TPTE: variants seen among roughly 807,000 people sequenced by gnomAD.
The protein encoded by TPTE is transmembrane phosphatase with tensin homology.
In TPTE, 59 loss-of-function variants were observed where a neutral mutation model predicts 84.1. That is an observed-to-expected ratio of 0.70 (90% confidence interval 0.57 to 0.87). The LOEUF (loss-of-function observed/expected upper bound fraction) is 0.87, where lower values mean the gene tolerates loss of function less well. Among genes scored for constraint, TPTE ranks in the 40% least tolerant of loss-of-function variants. The probability of loss-of-function intolerance (pLI) is 0.00; values close to 1 mark genes in which losing one functional copy is unlikely to be tolerated. For synonymous variants in TPTE, 130 were observed against 223.5 expected, an observed-to-expected ratio of 0.58 and a Z score of 3.73; for missense variants, 382 against 659.6, an observed-to-expected ratio of 0.58 and a Z score of 4.61.
chr21:10,536,308 T>C (rs1419396882), intron 3 of TPTE, among the ~76,000 whole-genome samples: 1 of 152,288 alleles, frequency 6.6e-6, no homozygotes, highest in East Asian at 1.9e-4. Flanking sequence ...AAATTAGTGA[T>C]ATACACATGA....
chr21:10,527,565 A>G (rs374661963), intron 3 of TPTE, among the ~76,000 whole-genome samples, 153 bp downstream of exon 3: 934 of 151,992 alleles, frequency 6.1e-3, no homozygotes, highest in African/African-American at 0.022. Context: ...TTGGTACTCA[A>G]AGATTGTTTG....
intron 3 of TPTE, among the ~76,000 whole-genome samples, chr21:10,535,504 T>TC (rs2074251778): frequency 6.6e-6 from 1 of 152,300 alleles, no homozygotes; most frequent in Non-Finnish European, 1.5e-5. Flanking sequence ...ATTTTTTTTT[T>TC]CAGACCAAAT....
intron 17 of TPTE, among the ~76,000 whole-genome samples, chr21:10,582,391 A>ATTATTTATTATT: frequency 6.6e-6 from 1 of 152,310 alleles, no homozygotes; most frequent in African/African-American, 2.4e-5. Flanking sequence ...GTAGCTTTAT[A>ATTATTTATTATT]ATGTGGTTTG....
intron 17 of TPTE, among the ~76,000 whole-genome samples, chr21:10,584,337 C>CTTTTTTTTTTTTTTTTTTTTTTT (rs58211728): frequency 7.0e-6 from 1 of 143,788 alleles, no homozygotes; most frequent in African/African-American, 2.5e-5. Flanking sequence ...CCTAAACTCA[C>CTTTTTTTTTTTTTTTTTTTTTTT]TTTTTTTTTT....
chr21:10,524,070 G>A (rs554673385), intron 1 of TPTE, among the ~76,000 whole-genome samples: 25 of 152,416 alleles, frequency 1.6e-4, no homozygotes, highest in East Asian at 1.9e-4. Flanking sequence ...AATCACAAGA[G>A]CGCTAGGATT....
intron 7 of TPTE, among the ~76,000 whole-genome samples, chr21:10,547,170 T>C (rs575391516): frequency 1.4e-4 from 21 of 152,412 alleles, no homozygotes; most frequent in Admixed American, 5.9e-4. Context: ...GTGCGAATTA[T>C]GCTAAATCAA....
chr21:10,564,845 A>G (rs570680311), intron 10 of TPTE, among the ~76,000 whole-genome samples: 33 of 152,408 alleles, frequency 2.2e-4, no homozygotes, highest in African/African-American at 7.9e-4. Flanking sequence ...TAGAAGTAAC[A>G]TACCTCAACT....
At chr21:10,532,043 T>C (rs1158388905) in intron 3 of TPTE, among the ~76,000 whole-genome samples, 4 of 152,302 alleles carry the variant, frequency 2.6e-5, no homozygotes, top group Non-Finnish European at 1.5e-5. Context: ...TTTATTAGCA[T>C]GATTAGTTAA....
intron 8 of TPTE, among the ~76,000 whole-genome samples, chr21:10,555,240 G>A (rs1175507203): frequency 1.2e-4 from 18 of 152,266 alleles, no homozygotes; most frequent in South Asian, 4.1e-4. Flanking sequence ...CCGGAGTCTC[G>A]CTCTGTCACC....
At chr21:10,524,163 T>C (rs968658117) in intron 1 of TPTE, among the ~76,000 whole-genome samples, 2 of 152,306 alleles carry the variant, frequency 1.3e-5, no homozygotes, top group African/African-American at 4.8e-5. Context: ...AGAGGTGAGG[T>C]CTCTGAGCAA....
intron 3 of TPTE, among the ~76,000 whole-genome samples, chr21:10,527,771 G>A (rs1180922957): frequency 6.6e-6 from 1 of 152,306 alleles, no homozygotes; most frequent in African/African-American, 2.4e-5. Context: ...TCACCCTTCA[G>A]AGCTGGTGCC....
chr21:10,580,997 G>A (rs369844605), intron 17 of TPTE, among the ~76,000 whole-genome samples: 586 of 151,374 alleles, frequency 3.9e-3, no homozygotes, highest in African/African-American at 0.013. Flanking sequence ...ATTTTTAGTG[G>A]GCTCTAAATC....
intron 17 of TPTE, among the ~76,000 whole-genome samples, chr21:10,587,466 G>A (rs1393404301): frequency 2.0e-5 from 3 of 152,272 alleles, no homozygotes; most frequent in Non-Finnish European, 2.9e-5. Flanking sequence ...GAGAACATAT[G>A]GTATTTGGTT....
intron 3 of TPTE, among the ~76,000 whole-genome samples, chr21:10,537,725 A>G (rs117670948): frequency 2.0e-5 from 3 of 152,284 alleles, no homozygotes; most frequent in Non-Finnish European, 4.4e-5. Flanking sequence ...CAATATAGAT[A>G]TAAGGATATA....
chr21:10,586,658 A>T (rs1187427520), intron 17 of TPTE, among the ~76,000 whole-genome samples: 1 of 152,308 alleles, frequency 6.6e-6, no homozygotes, highest in African/African-American at 2.4e-5. Flanking sequence ...ACCGTCTGTC[A>T]TTACCTTGGA....
intron 10 of TPTE, among the ~76,000 whole-genome samples, chr21:10,563,905 C>CA (rs1175362987): frequency 1.3e-5 from 2 of 152,306 alleles, no homozygotes; most frequent in Non-Finnish European, 2.9e-5. Flanking sequence ...CCTGTAATCC[C>CA]AGCAGTTTGG....
intron 3 of TPTE, among the ~76,000 whole-genome samples, chr21:10,533,282 G>C (rs1411096550): frequency 1.3e-4 from 20 of 152,292 alleles, no homozygotes; most frequent in Non-Finnish European, 2.5e-4. Context: ...TACAGTTAAG[G>C]CTTTCTCTTT....
At chr21:10,525,892 G>T (rs1471451629) in intron 2 of TPTE, among the ~76,000 whole-genome samples, 1 of 152,308 alleles carries the variant, frequency 6.6e-6, no homozygotes, top group Non-Finnish European at 1.5e-5. Flanking sequence ...GTTTCCCAAG[G>T]AACTTGCTTA....
At chr21:10,567,196 TG>T (rs1317343147) in intron 10 of TPTE, among the ~76,000 whole-genome samples, 1 of 133,382 alleles carries the variant, frequency 7.5e-6, no homozygotes, top group Admixed American at 8.0e-5. Context: ...GGCTTGGGGG[TG>T]GGGAGATGGG....
Sources: gnomAD v4.1 joint callset for allele counts (sites outside exome capture counted in the v4.1 genomes callset) on GRCh38, gnomAD v4.1.1 for gene constraint, MANE v1.5 for transcripts, NCBI Gene and HGNC (gene_info 2026-07-23, HGNC 2026-07-21) for gene names.